Variants in PRKN observed in about 807,000 individuals in gnomAD.
PRKN encodes parkin RBR E3 ubiquitin protein ligase.
A neutral mutation model predicts 59.5 loss-of-function variants in PRKN; 56 were observed. That is an observed-to-expected ratio of 0.94 (90% CI 0.76 to 1.18). PRKN has a LOEUF of 1.18. Ranked by LOEUF, PRKN falls within the 50% of genes most tolerant of loss-of-function variation. PRKN has a pLI of 0.00. For synonymous variants in PRKN, 250 were observed against 222.1 expected (o/e 1.13, Z -1.12); for missense variants, 657 against 596.4 (o/e 1.10, Z -1.06).
intron 1 of PRKN, among the ~76,000 whole-genome samples, chr6:162,647,855 C>CA (rs1300498798): frequency 7.1e-6 from 1 of 140,272 alleles, no homozygotes; most frequent in Non-Finnish European, 1.5e-5. Context: ...TCCTCTATTG[C>CA]AAACAATGAA....
intron 2 of PRKN, among the ~76,000 whole-genome samples, chr6:162,374,925 G>A (rs887325960): frequency 6.6e-6 from 1 of 152,038 alleles, no homozygotes; most frequent in African/African-American, 2.4e-5. Flanking sequence ...CAAGTAGTCT[G>A]TTAATCTCTC....
Position 161,359,244 on chromosome 6 carries a change from C to G in PRKN, c.1285+844G>C, listed in dbSNP as rs1464524616. Reference sequence around the variant, plus strand: ...CACTAAGGACTTGTACTGAGCTAAGCCAGCACCTGCGGCTCTGGGATGTGT... The same window carrying G: ...CACTAAGGACTTGTACTGAGCTAAGGCAGCACCTGCGGCTCTGGGATGTGT... On this transcript the variant is annotated intron_variant, in intron 11 of 11. Coordinates refer to ENST00000366898, the MANE Select transcript of PRKN (RefSeq NM_004562.3). This position sits in a 1 kb window ranked among gnomAD's most constrained non-coding sequence, Gnocchi z 5.4. Among the ~76,000 whole-genome samples the G allele has an allele frequency of 6.6e-6, 1 of 152,216 alleles. No homozygotes were observed. Among genetic ancestry groups the G allele is most frequent in the Non-Finnish European group, 1.5e-5 (1 of 68,038 alleles).
chr6:161,851,733 G>A (rs558852077), intron 6 of PRKN, among the ~76,000 whole-genome samples: 3 of 146,928 alleles, frequency 2.0e-5, no homozygotes, highest in Non-Finnish European at 4.5e-5. Flanking sequence ...TGATCCACCC[G>A]CTGAAGTCCT....
At position 161,357,491 on chromosome 6, in the gene PRKN, G is replaced by A. The variant is rs1420125377; in HGVS notation, c.1285+2597C>T. Among the ~76,000 whole-genome samples the A allele has an allele frequency of 6.6e-6, 1 of 152,220 alleles. No individual in the cohort carries two copies. Among genetic ancestry groups the A allele is most frequent in the Non-Finnish European group, 1.5e-5 (1 of 68,042 alleles). On this transcript the variant is annotated intron_variant, in intron 11 of 11. Transcript: ENST00000366898. The surrounding 1 kb of genome is among the most constrained non-coding windows in gnomAD (Gnocchi z 5.5). The stretch of plus-strand genomic sequence containing the variant: ...TGACGCCTGCCAGAAGTGGGAACAT[G>A]GGTGGGTGTTTAAGGATCCCCTTTC...
chr6:162,016,489 G>A (rs1344965629), intron 5 of PRKN, among the ~76,000 whole-genome samples: 1 of 152,074 alleles, frequency 6.6e-6, no homozygotes, highest in Non-Finnish European at 1.5e-5. Flanking sequence ...ACTGTCCCTT[G>A]CCAACTTTCA....
At position 162,359,761 on chromosome 6, in the gene PRKN, T is replaced by C. The variant is rs79976653; in HGVS notation, c.171+83549A>G. Among the ~76,000 whole-genome samples the C allele has an allele frequency of 4.3e-3, 648 of 152,210 alleles. 10 individuals carry two copies. The highest frequency in any genetic ancestry group is 0.024 in the East Asian group (124 of 5,164). ...AGAATCATGATTATTATATAGAGAA[T>C]AGACGTTTGCCTCTTAATGGAATTG... On this transcript the variant is annotated intron_variant, in intron 2 of 11. Coordinates refer to ENST00000366898, the MANE Select transcript of PRKN (RefSeq NM_004562.3).
intron 4 of PRKN, among the ~76,000 whole-genome samples, chr6:162,099,714 T>C (rs749902243): frequency 1.3e-5 from 2 of 152,248 alleles, no homozygotes; most frequent in African/African-American, 2.4e-5. Context: ...GTATGTGTTG[T>C]GGAACAGCTA....
intron 6 of PRKN, among the ~76,000 whole-genome samples, chr6:161,897,442 T>C (rs1004336849): frequency 6.6e-6 from 1 of 152,200 alleles, no homozygotes; most frequent in Non-Finnish European, 1.5e-5. Context: ...TGCTAAAGTA[T>C]TATCTCTTTT....
chr6:161,936,774 T>A (rs1779373399), intron 6 of PRKN, among the ~76,000 whole-genome samples: 1 of 145,286 alleles, frequency 6.9e-6, no homozygotes, highest in South Asian at 2.1e-4. Flanking sequence ...CCTTCTGACT[T>A]ATTTTTGTTT....
intron 1 of PRKN, among the ~76,000 whole-genome samples, chr6:162,669,108 GT>G (rs770456327): frequency 5.9e-5 from 9 of 151,838 alleles, no homozygotes; most frequent in African/African-American, 9.7e-5. Context: ...AAAATCCACA[GT>G]TTTTTTTATT....
chr6:162,012,421 CTATA>C (rs1412151717), intron 5 of PRKN, among the ~76,000 whole-genome samples: 1 of 151,738 alleles, frequency 6.6e-6, no homozygotes, highest in Non-Finnish European at 1.5e-5. Flanking sequence ...ACATATTTAA[CTATA>C]TATAATGTAC....
rs756015655 is a variant in PRKN, at chr6:161,460,067, C to A, written c.1084-73190G>T. 2.6e-5 allele frequency among the ~76,000 whole-genome samples: 4 copies of A among 152,206 alleles called. No homozygotes were observed. Among genetic ancestry groups the A allele is most frequent in the Non-Finnish European group, 4.4e-5 (3 of 68,030 alleles). ...CCATTCAACTTTTAATGTGTCCCCA[C>A]AGGGTGAAGCAGGCATGGTGCAGGA... On this transcript the variant is annotated intron_variant, in intron 9 of 11. Transcript: ENST00000366898. This position sits in a 1 kb window ranked among gnomAD's most constrained non-coding sequence, Gnocchi z 5.0.
intron 7 of PRKN, among the ~76,000 whole-genome samples, chr6:161,761,727 C>T (rs752507832): frequency 6.6e-6 from 1 of 152,184 alleles, no homozygotes; most frequent in Non-Finnish European, 1.5e-5. Context: ...CAGTCCAAGG[C>T]TTGTATCACC....
intron 6 of PRKN, among the ~76,000 whole-genome samples, chr6:161,805,876 C>G (rs116764431): frequency 0.023 from 3,444 of 152,202 alleles, 139 homozygotes; most frequent in African/African-American, 0.079. Flanking sequence ...GTCCACCTGG[C>G]CTGGAACACT....
At chr6:161,616,891 G>T (rs1042172777) in intron 7 of PRKN, among the ~76,000 whole-genome samples, 1 of 152,192 alleles carries the variant, frequency 6.6e-6, no homozygotes, top group Admixed American at 6.5e-5. Context: ...TGTCTTTACA[G>T]TAAAATGATT....
At chr6:161,899,909 G>A (rs1010633778) in intron 6 of PRKN, among the ~76,000 whole-genome samples, 1 of 152,048 alleles carries the variant, frequency 6.6e-6, no homozygotes, top group African/African-American at 2.4e-5. Context: ...GATCACTTGA[G>A]GTTAAAGTTC....
At chr6:162,003,904 A>C (rs534175900) in intron 5 of PRKN, among the ~76,000 whole-genome samples, 46 of 152,254 alleles carry the variant, frequency 3.0e-4, no homozygotes, top group Non-Finnish European at 5.9e-4. Context: ...GATGTATTGG[A>C]ATCTGAAACT....
At chr6:162,648,583 T>C (rs1369773916) in intron 1 of PRKN, among the ~76,000 whole-genome samples, 1 of 152,136 alleles carries the variant, frequency 6.6e-6, no homozygotes, top group Non-Finnish European at 1.5e-5. Flanking sequence ...GGTTTCACCA[T>C]GTTGGCCAGG....
intron 6 of PRKN, among the ~76,000 whole-genome samples, chr6:161,950,588 C>T (rs1420318520): frequency 6.6e-6 from 1 of 152,022 alleles, no homozygotes; most frequent in Non-Finnish European, 1.5e-5. Flanking sequence ...AGAAAGAAAA[C>T]AAATGGTTAC....
Sources: allele counts gnomAD v4.1 joint callset (sites outside exome capture counted in the v4.1 genomes callset), GRCh38; gene constraint gnomAD v4.1.1; non-coding constraint Gnocchi (gnomAD v3.1); transcripts MANE v1.5; gene names NCBI Gene and HGNC (gene_info 2026-07-23, HGNC 2026-07-21).